Variants in KEL observed in about 807,000 individuals in gnomAD.
The protein encoded by KEL is Kell metallo-endopeptidase (Kell blood group).
In KEL, 96 loss-of-function variants were observed where a neutral mutation model predicts 99.5. That is an observed-to-expected ratio of 0.97 (90% CI 0.82 to 1.14). KEL has a LOEUF of 1.14. KEL is among the 50% of genes most tolerant of loss of function. The pLI is 0.00. For missense variants in KEL, 926 were observed against 924.2 expected (o/e 1.00, Z -0.03); for synonymous variants, 355 against 354.8 (o/e 1.00, Z -0.01).
rs150678405 is a variant in KEL at position 142,943,589 on chromosome 7, C to T, written c.1600G>A (p.Val534Met). ...TAAGCATTGACGTCCCAAGGGGACACCTTCCACCTGTGGGAAGAGGACATG... is the reference window on the plus strand; with the variant it reads ...TAAGCATTGACGTCCCAAGGGGACATCTTCCACCTGTGGGAAGAGGACATG... ...LQPHPQHRWK[V>M]SPWDVNAYYS... The change falls in exon 15 of 19, where the codon GTG becomes ATG. Residue 534 changes from valine to methionine, a missense_variant. Val to Met is a conservative substitution (Grantham distance 21). Transcript: ENST00000355265. 8 of 1,612,450 alleles carry T rather than the reference C, an allele frequency of 5.0e-6. No homozygotes were observed. In the African/African-American group the frequency reaches 1.1e-4, roughly 22 times the overall value.
Position 142,961,796 on chromosome 7 carries a change from T to A in KEL, c.80A>T (p.Glu27Val). Residue 27 changes from glutamate (E) to valine (V), a missense_variant and splice_region_variant, in exon 2 of 19, where the codon GAG becomes GTG. Coordinates refer to ENST00000355265, the MANE Select transcript of KEL (RefSeq NM_000420.3). ...AGGMGTLWSQ[E>V]STPEERLPVE... ...GACCCAGGAGAGGAGGCCACTTACCTCTTGGCTCCAGAGAGTTCCCATTCC... is the reference window on the plus strand; with the variant it reads ...GACCCAGGAGAGGAGGCCACTTACCACTTGGCTCCAGAGAGTTCCCATTCC... 4 of 1,613,666 alleles carry A rather than the reference T, an allele frequency of 2.5e-6. No homozygotes were observed. The highest frequency in any genetic ancestry group is 3.4e-6 in the Non-Finnish European group (4 of 1,179,630).
At chr7:142,943,142 C>T in intron 16 of KEL, 98 bp from the exon 17 acceptor site, 3 of 1,560,228 alleles carry the variant, frequency 1.9e-6, no homozygotes, top group Non-Finnish European at 2.6e-6. Flanking sequence ...AATCAGCTCC[C>T]AGGAGCATGG....
chr7:142,954,373 C>T lies in KEL; in HGVS notation c.736-1G>A. 1 of 1,614,158 alleles carries T rather than the reference C, an allele frequency of 6.2e-7. No individual in the cohort carries two copies. The highest frequency in any genetic ancestry group is 2.2e-5 in the East Asian group (1 of 44,872). ...GGTAAGTCAGGTATTCCCGAAAGAT[C>T]TGGAGGAAGGAAATGTCAGTCACAG... On this transcript the variant is annotated splice_acceptor_variant, in intron 7 of 18. Coordinates refer to ENST00000355265, the MANE Select transcript of KEL (RefSeq NM_000420.3). LOFTEE classifies it high-confidence loss of function.
At chr7:142,943,364 T>C (rs1308164111) in intron 15 of KEL, 21 bp from the exon 16 acceptor site, 2 of 1,613,988 alleles carry the variant, frequency 1.2e-6, no homozygotes, top group Admixed American at 1.7e-5. Flanking sequence ...AAGGGCTTAT[T>C]TGACCCCCAG....
intron 17 of KEL, 102 bp downstream of exon 17, chr7:142,942,773 C>G (rs1796396258): frequency 7.0e-7 from 1 of 1,423,564 alleles, no homozygotes; most frequent in South Asian, 1.1e-5. Context: ...GGGCAGAAAG[C>G]CATGCAACTG....
In KEL at chr7:142,961,520, G is replaced by T; in HGVS notation, c.82-19C>A. 1 of 1,580,918 alleles carries T rather than the reference G, an allele frequency of 6.3e-7. No individual in the cohort carries two copies. The highest frequency in any genetic ancestry group is 1.1e-5 in the South Asian group (1 of 87,568). On this transcript the variant is annotated intron_variant, in intron 2 of 18. Coordinates refer to ENST00000355265, the MANE Select transcript of KEL (RefSeq NM_000420.3). ...GAGTGCTCTGTGGGAGGAACCAAGA[G>T]GTGAAAGATACAAGATGGGGGTTGA... is the stretch of plus-strand genomic sequence containing the variant.
intron 6 of KEL, among the ~76,000 whole-genome samples, chr7:142,954,888 C>T (rs1486452893): frequency 6.6e-6 from 1 of 152,150 alleles, no homozygotes; most frequent in Non-Finnish European, 1.5e-5. Context: ...ACCAAAAACT[C>T]AGTAATCAAA....
intron 6 of KEL, among the ~76,000 whole-genome samples, chr7:142,955,720 A>G (rs752409319): frequency 1.3e-5 from 2 of 151,936 alleles, no homozygotes; most frequent in African/African-American, 2.4e-5. Context: ...ATCTTGAGCC[A>G]TATACTTTTC....
intron 9 of KEL, 60 bp downstream of exon 9, chr7:142,953,748 T>C: frequency 6.3e-7 from 1 of 1,597,636 alleles, no homozygotes; most frequent in South Asian, 1.1e-5. Flanking sequence ...GCCCCCAAGA[T>C]CTACGGTGCT....
At chr7:142,950,137 C>T (rs944260861) in intron 10 of KEL, among the ~76,000 whole-genome samples, 1 of 152,202 alleles carries the variant, frequency 6.6e-6, no homozygotes, top group South Asian at 2.1e-4. Context: ...TCTCACATCA[C>T]TCATCATCAG....
In KEL at chr7:142,944,721, C is replaced by A. The variant is rs751855900; in HGVS notation, c.1335G>T (p.Ala445=). 6.2e-7 allele frequency: 1 copy of A among 1,614,050 alleles called. No homozygotes were observed. The change falls in exon 12 of 19, where the codon GCG becomes GCT. Residue 445 remains alanine, a synonymous_variant. Transcript: ENST00000355265. ...GGCGAGTGATGAGGGCATCCCGGAT[C>A]GCAGTGAATAATTTCATGGCCTGTG... ...TRSAAMKLFT[A]IRDALITRLR... is the part of the protein sequence containing the mutation.
intron 5 of KEL, 50 bp downstream of exon 5, chr7:142,958,254 G>T: frequency 6.2e-7 from 1 of 1,613,242 alleles, no homozygotes; most frequent in South Asian, 1.1e-5. Flanking sequence ...AGCATGCATT[G>T]GTCCCATATG....
chr7:142,948,234 G>A (rs575170225), intron 10 of KEL, among the ~76,000 whole-genome samples: 5 of 152,084 alleles, frequency 3.3e-5, no homozygotes, highest in South Asian at 4.1e-4. Flanking sequence ...GAATGGTAGT[G>A]TATACCACAT....
chr7:142,957,810 GC>G lies in KEL; in HGVS notation c.672+16del. 1 of 1,613,822 alleles carries G rather than the reference GC, an allele frequency of 6.2e-7. No homozygotes were observed. The highest frequency in any genetic ancestry group is 8.5e-7 in the Non-Finnish European group (1 of 1,179,910). On this transcript the variant is annotated intron_variant, in intron 6 of 18. Coordinates refer to ENST00000355265, the MANE Select transcript of KEL (RefSeq NM_000420.3). ...GCAGGCCAGGTCCAACTGTGTCTTC[GC>G]CAGTGCATCCCTCACCTGGATGACT...
rs186290945 is a variant in KEL, at chr7:142,953,247, C to A, written c.1073+561G>T. 5 of 618,920 alleles carry A rather than the reference C, an allele frequency of 8.1e-6. No homozygotes were observed. The East Asian group carries it at 6.9e-4, about 85-fold the overall frequency. 38.3% of individuals were successfully genotyped at this position (618,920 alleles called of 1,614,324 possible). A position where few individuals can be genotyped will look rare whatever the true frequency, so the allele number is the denominator to read the frequency against. ...AGCCACTCTTTCATGTCCCCAACCC[C>A]AACACCCCCTTGATTTCCTGACACC... On this transcript the variant is annotated intron_variant, in intron 9 of 18. Transcript: ENST00000355265.
At chr7:142,946,168 G>T in intron 11 of KEL, 39 bp downstream of exon 11, 3 of 1,394,322 alleles carry the variant, frequency 2.2e-6, no homozygotes, top group East Asian at 2.3e-5. Context: ...TGGGTAGGAA[G>T]GGGTGGAGGG....
intron 10 of KEL, among the ~76,000 whole-genome samples, chr7:142,951,987 T>C (rs976541740): frequency 1.3e-5 from 2 of 152,100 alleles, no homozygotes; most frequent in African/African-American, 4.8e-5. Flanking sequence ...AAGTGCATTT[T>C]CTACCCAGGC....
Position 142,957,873 on chromosome 7 carries a change from G to T in KEL, c.626C>A (p.Ala209Asp), listed in dbSNP as rs1434221433. ...SQYGHFPFFR[A>D]YLGPHPASPH... is the part of the protein sequence containing the mutation. ...AGAGGCAGGATGAGGTCCTAGGTAG[G>T]CTCTGAAGAAAGGGAAATGGCCATA... Residue 209 changes from alanine (A) to aspartate (D), a missense_variant, in exon 6 of 19, where the codon GCC becomes GAC. Ala to Asp is a moderately radical substitution (Grantham distance 126, BLOSUM62 -2). Transcript: ENST00000355265. The T allele has an allele frequency of 1.2e-6, 2 of 1,614,014 alleles. No individual in the cohort carries two copies. Among genetic ancestry groups the T allele is most frequent in the Non-Finnish European group, 1.7e-6 (2 of 1,180,016 alleles).
chr7:142,956,953 A>G (rs1455990382), intron 6 of KEL, among the ~76,000 whole-genome samples: 1 of 152,226 alleles, frequency 6.6e-6, no homozygotes, highest in Non-Finnish European at 1.5e-5. Flanking sequence ...CAGTGTTTTT[A>G]TTTAGTTACT....
Sources: allele counts gnomAD v4.1 joint callset (sites outside exome capture counted in the v4.1 genomes callset), GRCh38; gene constraint gnomAD v4.1.1; transcripts MANE v1.5; gene names NCBI Gene and HGNC (gene_info 2026-07-23, HGNC 2026-07-21).